SERINC2: variants seen among roughly 807,000 people sequenced by gnomAD.
SERINC2 encodes tumor differentially expressed protein 2.
Under a neutral mutation model 54.2 loss-of-function variants are expected in SERINC2, and 56 were observed. That is an observed-to-expected ratio of 1.03 (90% CI 0.83 to 1.29). The LOEUF is 1.29. SERINC2 is among the 50% of genes most tolerant of loss of function. The pLI, the probability that SERINC2 is intolerant of heterozygous loss-of-function variation, is 0.00. For missense variants in SERINC2, 614 were observed against 607.4 expected (o/e 1.01, Z -0.12); for synonymous variants, 272 against 253.1 (o/e 1.07, Z -0.71).
intron 1 of SERINC2, among the ~76,000 whole-genome samples, chr1:31,418,688 T>G (rs1640838043): frequency 6.6e-6 from 1 of 152,124 alleles, no homozygotes; most frequent in Non-Finnish European, 1.5e-5. Context: ...CAGTTTGTTT[T>G]AAATAGAAAA....
chr1:31,434,013 G>T, intron 9 of SERINC2, 51 bp from the exon 10 acceptor site: 5 of 1,595,916 alleles, frequency 3.1e-6, no homozygotes, highest in Non-Finnish European at 4.3e-6. Flanking sequence ...GGGCCAAGAT[G>T]GAAGTCACCA....
intron 8 of SERINC2, among the ~76,000 whole-genome samples, chr1:31,432,204 A>ATAGGGTGGACAGG (rs1641314479): frequency 2.2e-5 from 1 of 46,426 alleles, no homozygotes; most frequent in Admixed American, 2.1e-4. Flanking sequence ...GAGTGGAGAG[A>ATAGGGTGGACAGG]GTGGACAGGG....
chr1:31,434,495 C>G lies in SERINC2; in HGVS notation c.*296C>G. 2.4e-6 allele frequency: 1 copy of G among 417,342 alleles called. No homozygotes were observed. Among genetic ancestry groups the G allele is most frequent in the East Asian group, 4.2e-5 (1 of 23,742 alleles). 25.9% of individuals were successfully genotyped at this position (417,342 alleles called of 1,614,324 possible). On this transcript the variant is annotated 3_prime_UTR_variant, in exon 10 of 10. Coordinates refer to ENST00000373709, the MANE Select transcript of SERINC2 (RefSeq NM_178865.5). ...ATCTCGGATGAAAGGGCTCCCTTGT[C>G]CTCAGGCTCCACGGGAGCGGGGCTG...
Position 31,429,396 on chromosome 1 carries a change from G to A in SERINC2, c.872-1G>A. On this transcript the variant is annotated splice_acceptor_variant, in intron 7 of 9. Transcript: ENST00000373709. LOFTEE classifies it high-confidence loss of function. ...GAGGGTGATTGTGCTCCCATCTCCA[G>A]AACAGAAATGCAACCCCCATTTGCC... The A allele has an allele frequency of 1.9e-6, 3 of 1,610,102 alleles. No homozygotes were observed. Among genetic ancestry groups the A allele is most frequent in the Non-Finnish European group, 2.5e-6 (3 of 1,177,792 alleles).
At chr1:31,432,774 G>T (rs1301639783) in intron 8 of SERINC2, among the ~76,000 whole-genome samples, 193 bp from the exon 9 acceptor site, 2 of 152,178 alleles carry the variant, frequency 1.3e-5, no homozygotes, top group African/African-American at 4.8e-5. Context: ...GCTCAGAGAG[G>T]TTAAGTGTTT....
In SERINC2 at chr1:31,425,412, A is replaced by C; in HGVS notation, c.472+3A>C. Reference sequence around the variant, plus strand: ...TCCTGACGGCTCCTTCACCAACAGTAGGCGGACTTGGCAGGAGGCATGGGG... The same window carrying C: ...TCCTGACGGCTCCTTCACCAACAGTCGGCGGACTTGGCAGGAGGCATGGGG... On this transcript the variant is annotated splice_donor_region_variant and intron_variant, in intron 4 of 9. Coordinates refer to ENST00000373709, the MANE Select transcript of SERINC2 (RefSeq NM_178865.5). 2 of 1,604,352 alleles carry C rather than the reference A, an allele frequency of 1.2e-6. No homozygotes were observed. The highest frequency in any genetic ancestry group is 1.7e-6 in the Non-Finnish European group (2 of 1,171,050).
intron 6 of SERINC2, among the ~76,000 whole-genome samples, chr1:31,428,257 C>T (rs1383498479): frequency 5.3e-5 from 8 of 151,732 alleles, no homozygotes; most frequent in African/African-American, 1.9e-4. Context: ...CCAGGCTGGT[C>T]TTGAACTTCT....
upstream of SERINC2, among the ~76,000 whole-genome samples, chr1:31,411,078 T>C (rs4478858): frequency 0.49 from 73,790 of 152,008 alleles, 18,597 homozygotes; most frequent in East Asian, 0.8. Context: ...CATTCACTGC[T>C]TGACTGTGTG....
intron 8 of SERINC2, among the ~76,000 whole-genome samples, chr1:31,430,120 T>C (rs958951735): frequency 2.6e-5 from 4 of 152,144 alleles, no homozygotes; most frequent in Admixed American, 6.5e-5. Flanking sequence ...TCACTTAACC[T>C]CTTTAGGCCT....
At chr1:31,418,817 C>T (rs1295886407) in intron 1 of SERINC2, among the ~76,000 whole-genome samples, 1 of 152,194 alleles carries the variant, frequency 6.6e-6, no homozygotes, top group Non-Finnish European at 1.5e-5. Context: ...CAGTGACAGC[C>T]TGTTCACATA....
Position 31,434,323 on chromosome 1 carries a change from C to T in SERINC2, c.*124C>T. ...TGAGCCCCCACCCCTGCCCCAGCTC[C>T]AGGACCTGCCCCTGAGCCGGGCCTT... On this transcript the variant is annotated 3_prime_UTR_variant, in exon 10 of 10. Transcript: ENST00000373709. The T allele has an allele frequency of 2.0e-6, 2 of 1,011,874 alleles. No homozygotes were observed. The highest frequency in any genetic ancestry group is 6.4e-4 in the Middle Eastern group (2 of 3,124). The allele number at this position is 1,011,874 out of a possible 1,614,324, so 62.7% of individuals were successfully genotyped here.
At chr1:31,430,549 T>C (rs1459336759) in intron 8 of SERINC2, among the ~76,000 whole-genome samples, 1 of 151,500 alleles carries the variant, frequency 6.6e-6, no homozygotes, top group African/African-American at 2.4e-5. Context: ...ATGCACCTTC[T>C]AGTCCCAGTG....
chr1:31,433,114 C>G lies in SERINC2; in HGVS notation c.1161C>G (p.Ser387Arg), dbSNP rs1641368636. Residue 387 changes from serine to arginine, a missense_variant, in exon 9 of 10, where the codon AGC becomes AGG. Transcript: ENST00000373709. ...FDNEQDGVTY[S>R]YSFFHFCLVL... ...ACGAGCAGGACGGCGTCACCTACAG[C>G]TACTCCTTCTTCCACTTCTGCCTGG... 6.2e-7 allele frequency: 1 copy of G among 1,613,804 alleles called. No individual in the cohort carries two copies. The highest frequency in any genetic ancestry group is 8.5e-7 in the Non-Finnish European group (1 of 1,180,028).
chr1:31,433,777 C>G (rs1020153832), intron 9 of SERINC2, among the ~76,000 whole-genome samples: 1 of 152,006 alleles, frequency 6.6e-6, no homozygotes, highest in Non-Finnish European at 1.5e-5. Flanking sequence ...TCCAGGGTCC[C>G]AAGTTCAGAG....
chr1:31,413,783 TC>T lies in SERINC2; in HGVS notation c.39+481del, dbSNP rs1420042749. 2.2e-6 allele frequency: 3 copies of T among 1,367,600 alleles called. No individual in the cohort carries two copies. The highest frequency in any genetic ancestry group is 3.0e-5 in the African/African-American group (2 of 66,014). The allele number at this position is 1,367,600 out of a possible 1,614,324, so 84.7% of individuals were successfully genotyped here. ...TCTGGCCGCCTGCCAGTCCGCCTGT[TC>T]CTGTCGCTCGGGCTCCGCCTGTCCG... is the stretch of plus-strand genomic sequence containing the variant. On this transcript the variant is annotated intron_variant, in intron 1 of 9. Coordinates refer to ENST00000373709, the MANE Select transcript of SERINC2 (RefSeq NM_178865.5). The surrounding 1 kb of genome is among the most constrained non-coding windows in gnomAD (Gnocchi z 5.0).
At chr1:31,432,129 TAGGGTGGAC>T (rs1202707658) in intron 8 of SERINC2, among the ~76,000 whole-genome samples, 10 of 9,878 alleles carry the variant, frequency 1.0e-3, no homozygotes, top group Non-Finnish European at 1.6e-3. Flanking sequence ...TTAGGGTGGA[TAGGGTGGAC>T]AGGGTGGACA....
chr1:31,424,427 A>T (rs782474348), intron 2 of SERINC2, among the ~76,000 whole-genome samples: 24 of 152,276 alleles, frequency 1.6e-4, no homozygotes, highest in Non-Finnish European at 2.8e-4. Flanking sequence ...ATAGTTTCTG[A>T]GGCTGTGGGA....
intron 8 of SERINC2, among the ~76,000 whole-genome samples, chr1:31,431,814 C>CAGGGTGGACAGGGTGGAT (rs1553134522): frequency 5.9e-5 from 2 of 34,092 alleles, no homozygotes; most frequent in Non-Finnish European, 8.4e-5. Context: ...ACAGGGTGGA[C>CAGGGTGGACAGGGTGGAT]AGGGTGGATA....
rs1482945893 is a variant in SERINC2 at position 31,433,101 on chromosome 1, G to C, written c.1148G>C (p.Gly383Ala). 6.2e-7 allele frequency: 1 copy of C among 1,613,706 alleles called. No individual in the cohort carries two copies. The highest frequency in any genetic ancestry group is 8.5e-7 in the Non-Finnish European group (1 of 1,180,012). ...CGGGCCTTTGACAACGAGCAGGACG[G>C]CGTCACCTACAGCTACTCCTTCTTC... ...EGRAFDNEQD[G>A]VTYSYSFFHF... The change falls in exon 9 of 10, where the codon GGC becomes GCC. Residue 383 changes from glycine (G) to alanine (A), a missense_variant. Physicochemically the swap from Gly to Ala is moderately conservative, Grantham distance 60. Coordinates refer to ENST00000373709, the MANE Select transcript of SERINC2 (RefSeq NM_178865.5).
Sources: gnomAD v4.1 joint callset for allele counts (sites outside exome capture counted in the v4.1 genomes callset) on GRCh38, gnomAD v4.1.1 for gene constraint, Gnocchi (gnomAD v3.1) non-coding constraint, MANE v1.5 for transcripts, NCBI Gene and HGNC (gene_info 2026-07-23, HGNC 2026-07-21) for gene names.